CNTN6: variants seen among roughly 807,000 people sequenced by gnomAD.
CNTN6 encodes the protein contactin-6.
In CNTN6, 137 loss-of-function variants were observed where a neutral mutation model predicts 122.8. The ratio of observed to expected loss-of-function variants is 1.12; its 90% confidence interval spans 0.97 to 1.29. CNTN6 has a LOEUF of 1.29. CNTN6 is among the 50% of genes most tolerant of loss of function. The pLI is 0.00. For missense variants in CNTN6, 1,634 were observed against 1,223.4 expected, an observed-to-expected ratio of 1.34 and a Z score of -5.01; for synonymous variants, 570 against 426.0, an observed-to-expected ratio of 1.34 and a Z score of -4.16.
chr3:1,383,593 G>A (rs764485275), intron 19 of CNTN6, among the ~76,000 whole-genome samples, 185 bp downstream of exon 19: 4 of 152,106 alleles, frequency 2.6e-5, no homozygotes, highest in Non-Finnish European at 5.9e-5. Context: ...AGCCTGGGAT[G>A]TTTCTTGTCC....
At chr3:1,373,183 G>A (rs892056133) in intron 14 of CNTN6, among the ~76,000 whole-genome samples, 4 of 152,198 alleles carry the variant, frequency 2.6e-5, no homozygotes, top group East Asian at 1.9e-4. Context: ...TATCATGAAC[G>A]GTCACGCTTG....
At chr3:1,397,862 C>G (rs1167888224) in intron 20 of CNTN6, among the ~76,000 whole-genome samples, 1 of 152,048 alleles carries the variant, frequency 6.6e-6, no homozygotes, top group Non-Finnish European at 1.5e-5. Flanking sequence ...CAAATGTCAA[C>G]CCCATGCTGT....
intron 20 of CNTN6, among the ~76,000 whole-genome samples, chr3:1,399,580 A>G (rs1695415199): frequency 6.6e-6 from 1 of 152,086 alleles, no homozygotes; most frequent in Admixed American, 6.6e-5. Flanking sequence ...GACCACGGCA[A>G]TTGGTCTTGA....
At chr3:1,393,885 C>CAT (rs1174982239) in intron 20 of CNTN6, among the ~76,000 whole-genome samples, 3 of 151,986 alleles carry the variant, frequency 2.0e-5, no homozygotes, top group South Asian at 2.1e-4. Flanking sequence ...ATGATATATA[C>CAT]ATATATATAT....
chr3:1,375,964 G>T (rs1207073914), intron 16 of CNTN6, among the ~76,000 whole-genome samples: 1 of 151,964 alleles, frequency 6.6e-6, no homozygotes, highest in Non-Finnish European at 1.5e-5. Context: ...AATTTGAAAT[G>T]AGGAATTAAA....
intron 1 of CNTN6, among the ~76,000 whole-genome samples, chr3:1,146,908 AC>A (rs1173842024): frequency 6.6e-6 from 1 of 152,054 alleles, no homozygotes; most frequent in Non-Finnish European, 1.5e-5. Flanking sequence ...ACCTATGTTG[AC>A]CCCTGAATAT....
At chr3:1,212,908 G>A (rs549974744) in intron 2 of CNTN6, among the ~76,000 whole-genome samples, 1 of 151,940 alleles carries the variant, frequency 6.6e-6, no homozygotes, top group South Asian at 2.1e-4. Flanking sequence ...ATAAATTCAA[G>A]CTCCTAAAAA....
intron 7 of CNTN6, among the ~76,000 whole-genome samples, chr3:1,312,453 C>G (rs1161603737): frequency 2.0e-5 from 3 of 151,944 alleles, no homozygotes; most frequent in Non-Finnish European, 4.4e-5. Flanking sequence ...AGAAGGATTT[C>G]AAATCTAAGT....
At chr3:1,281,665 T>C in intron 5 of CNTN6, among the ~76,000 whole-genome samples, 1 of 151,932 alleles carries the variant, frequency 6.6e-6, no homozygotes, top group South Asian at 2.1e-4. Context: ...GGGTTTCACT[T>C]CTGACCTCGT....
In CNTN6 at chr3:1,295,822, C is replaced by G; in HGVS notation, c.658+18C>G. 1 of 1,603,806 alleles carries G rather than the reference C, an allele frequency of 6.2e-7. No individual in the cohort carries two copies. The highest frequency in any genetic ancestry group is 8.5e-7 in the Non-Finnish European group (1 of 1,171,162). The stretch of plus-strand genomic sequence containing the variant: ...CACTGATGGTAAGATAATGAGTTAT[C>G]TTGGGAATGTACTTTATCTTTGGCC... On this transcript the variant is annotated intron_variant, in intron 6 of 22. Coordinates refer to ENST00000446702, the MANE Select transcript of CNTN6 (RefSeq NM_001289080.2).
At chr3:1,321,481 A>G (rs1159460085) in intron 7 of CNTN6, among the ~76,000 whole-genome samples, 169 bp from the exon 8 acceptor site, 1 of 151,800 alleles carries the variant, frequency 6.6e-6, no homozygotes, top group East Asian at 1.9e-4. Context: ...GTGTTAAATA[A>G]ATGACTGATT....
At chr3:1,102,744 C>T (rs1233590798) in intron 1 of CNTN6, among the ~76,000 whole-genome samples, 1 of 145,912 alleles carries the variant, frequency 6.9e-6, no homozygotes, top group African/African-American at 2.5e-5. Context: ...TAAATAAATA[C>T]ATAAATAAGA....
intron 2 of CNTN6, among the ~76,000 whole-genome samples, chr3:1,191,484 C>T (rs1381984251): frequency 2.0e-5 from 3 of 152,170 alleles, no homozygotes; most frequent in African/African-American, 4.8e-5. Context: ...GTGGGTGGTG[C>T]ACCCCAACTC....
At chr3:1,280,459 A>ATTTTTTTTCTTTTT (rs1553654932) in intron 5 of CNTN6, among the ~76,000 whole-genome samples, 1 of 66,652 alleles carries the variant, frequency 1.5e-5, no homozygotes, top group Non-Finnish European at 2.7e-5. Flanking sequence ...TGTAATACCA[A>ATTTTTTTTCTTTTT]TTTTTTTTTT....
chr3:1,387,766 G>A (rs993851206), intron 20 of CNTN6, among the ~76,000 whole-genome samples: 6 of 147,938 alleles, frequency 4.1e-5, no homozygotes, highest in African/African-American at 9.8e-5. Context: ...CAAGGGGTCA[G>A]GGAGTTCCCT....
chr3:1,349,398 T>TG (rs1401855029), intron 11 of CNTN6, among the ~76,000 whole-genome samples: 2 of 151,202 alleles, frequency 1.3e-5, no homozygotes, highest in South Asian at 2.1e-4. Flanking sequence ...GCTGTGTGTG[T>TG]TTTTTTTTAA....
chr3:1,111,488 G>C (rs1434212600), intron 1 of CNTN6, among the ~76,000 whole-genome samples: 1 of 152,150 alleles, frequency 6.6e-6, no homozygotes, highest in Non-Finnish European at 1.5e-5. Context: ...AGATTGTAGA[G>C]TCAGAATTCA....
intron 4 of CNTN6, among the ~76,000 whole-genome samples, chr3:1,261,242 C>T (rs181380508): frequency 2.0e-4 from 31 of 152,080 alleles, no homozygotes; most frequent in African/African-American, 5.1e-4. Context: ...GATCTCATGG[C>T]GAAGACATGG....
intron 1 of CNTN6, among the ~76,000 whole-genome samples, chr3:1,123,727 C>T (rs2092050117): frequency 6.6e-6 from 1 of 151,880 alleles, no homozygotes; most frequent in South Asian, 2.1e-4. Context: ...CAGTGTTGAA[C>T]AGCAATGGTG....
Sources: gnomAD v4.1 joint callset for allele counts (sites outside exome capture counted in the v4.1 genomes callset) on GRCh38, gnomAD v4.1.1 for gene constraint, MANE v1.5 for transcripts, NCBI Gene and HGNC (gene_info 2026-07-23, HGNC 2026-07-21) for gene names.